The following BICC1 variants were observed in gnomAD, a reference collection of about 807,000 sequenced individuals.
The protein encoded by BICC1 is protein bicaudal C homolog 1.
Under a neutral mutation model 111.0 loss-of-function variants are expected in BICC1, and 43 were observed. That is an observed-to-expected ratio of 0.39 (90% CI 0.30 to 0.50). The LOEUF (loss-of-function observed/expected upper bound fraction) is 0.50, where lower values mean the gene tolerates loss of function less well. Ranked by LOEUF, BICC1 falls within the 20% of genes least tolerant of loss-of-function variation. BICC1 has a pLI of 0.88. For synonymous variants in BICC1, 467 were observed against 434.4 expected (o/e 1.07, Z -0.93); for missense variants, 1,091 against 1,203.2 (o/e 0.91, Z 1.38).
At chr10:58,753,151 G>A (rs934986039) in intron 3 of BICC1, among the ~76,000 whole-genome samples, 1 of 152,032 alleles carries the variant, frequency 6.6e-6, no homozygotes, top group South Asian at 2.1e-4. Flanking sequence ...TTGATTTTAC[G>A]TTGTTGTTGT....
intron 2 of BICC1, among the ~76,000 whole-genome samples, chr10:58,647,562 TC>T (rs997335414): frequency 1.3e-5 from 2 of 152,130 alleles, no homozygotes; most frequent in African/African-American, 2.4e-5. Context: ...GTGATTTTTT[TC>T]CCCAAGGTGA....
chr10:58,730,837 G>A (rs1365322720), intron 3 of BICC1, among the ~76,000 whole-genome samples: 1 of 152,052 alleles, frequency 6.6e-6, no homozygotes, highest in Non-Finnish European at 1.5e-5. Flanking sequence ...AAGGCTGTGC[G>A]GGGTTGCAGG....
At chr10:58,776,375 AATAC>A (rs1842749431) in intron 3 of BICC1, among the ~76,000 whole-genome samples, 1 of 152,218 alleles carries the variant, frequency 6.6e-6, no homozygotes, top group African/African-American at 2.4e-5. Flanking sequence ...GACTGCAGGC[AATAC>A]CTCTGGGACC....
At chr10:58,779,830 T>C (rs1418819604) in intron 3 of BICC1, among the ~76,000 whole-genome samples, 1 of 152,218 alleles carries the variant, frequency 6.6e-6, no homozygotes, top group Non-Finnish European at 1.5e-5. Context: ...CTTTTCCCTA[T>C]ATGATTCCAA....
At chr10:58,579,077 A>G (rs1844192243) in intron 1 of BICC1, among the ~76,000 whole-genome samples, 1 of 152,164 alleles carries the variant, frequency 6.6e-6, no homozygotes, top group African/African-American at 2.4e-5. Flanking sequence ...TTGATGAGGA[A>G]TCTAAAGGCC....
chr10:58,649,197 T>C lies in BICC1; in HGVS notation c.237+28296T>C, dbSNP rs569928410. Among the ~76,000 whole-genome samples the C allele has an allele frequency of 3.5e-4, 54 of 152,330 alleles. 1 individual carries two copies. The highest frequency in any genetic ancestry group is 6.2e-4 in the Non-Finnish European group (42 of 68,032). On this transcript the variant is annotated intron_variant, in intron 2 of 20. Coordinates refer to ENST00000373886, the MANE Select transcript of BICC1 (RefSeq NM_001080512.3). Reference sequence around the variant, plus strand: ...TTCCAAGGAAATCTCTCTTAAATATTGGGCATGTCTACAAGAGGAGGAGGC... The same window carrying C: ...TTCCAAGGAAATCTCTCTTAAATATCGGGCATGTCTACAAGAGGAGGAGGC...
intron 3 of BICC1, among the ~76,000 whole-genome samples, chr10:58,737,199 T>A (rs1841497438): frequency 6.6e-6 from 1 of 152,128 alleles, no homozygotes; most frequent in Admixed American, 6.6e-5. Context: ...CTGCACCCAT[T>A]AACTCGTCAT....
chr10:58,778,953 G>A lies in BICC1; in HGVS notation c.308-6048G>A, dbSNP rs192758326. ...ATGTAAAGTGCACAGGCTTCTAGTC[G>A]TCCTGTTTGCTCTTTCAAAATCATT... is the stretch of plus-strand genomic sequence containing the variant. On this transcript the variant is annotated intron_variant, in intron 3 of 20. Transcript: ENST00000373886. Among the ~76,000 whole-genome samples, 575 of 152,166 alleles carry A rather than the reference G, an allele frequency of 3.8e-3. 4 individuals are homozygous for A. The highest frequency in any genetic ancestry group is 0.013 in the African/African-American group (540 of 41,512).
At chr10:58,589,882 T>G (rs2132036391) in intron 1 of BICC1, among the ~76,000 whole-genome samples, 1 of 152,236 alleles carries the variant, frequency 6.6e-6, no homozygotes, top group East Asian at 1.9e-4. Flanking sequence ...CATAGTGCAC[T>G]GCAGCCTTGA....
At chr10:58,538,948 G>A (rs1215539196) in intron 1 of BICC1, among the ~76,000 whole-genome samples, 2 of 151,718 alleles carry the variant, frequency 1.3e-5, no homozygotes, top group Non-Finnish European at 3.0e-5. Flanking sequence ...GCATGGACAG[G>A]GTGAAAAAGG....
At chr10:58,816,830 C>T (rs772862722) in intron 18 of BICC1, among the ~76,000 whole-genome samples, 15 of 151,052 alleles carry the variant, frequency 9.9e-5, no homozygotes, top group Non-Finnish European at 2.1e-4. Flanking sequence ...CCGTCACCAG[C>T]GCTTGCTTGT....
intron 1 of BICC1, among the ~76,000 whole-genome samples, chr10:58,612,581 A>T (rs550724865): frequency 1.4e-5 from 2 of 139,016 alleles, no homozygotes; most frequent in East Asian, 4.1e-4. Flanking sequence ...TCTTAGTTGC[A>T]AATGTGTTGA....
chr10:58,762,039 T>A (rs2132685764), intron 3 of BICC1, among the ~76,000 whole-genome samples: 1 of 152,232 alleles, frequency 6.6e-6, no homozygotes, highest in East Asian at 1.9e-4. Flanking sequence ...CACATGTTTT[T>A]AACTTTGCAC....
intron 3 of BICC1, among the ~76,000 whole-genome samples, chr10:58,709,447 A>G (rs903303304): frequency 1.3e-5 from 2 of 152,240 alleles, no homozygotes; most frequent in Non-Finnish European, 2.9e-5. Context: ...TGGATGACAA[A>G]GGTTGTAGAA....
At chr10:58,625,485 GTA>G (rs1845961577) in intron 2 of BICC1, among the ~76,000 whole-genome samples, 1 of 152,014 alleles carries the variant, frequency 6.6e-6, no homozygotes, top group Non-Finnish European at 1.5e-5. Context: ...ATTGGGTTAT[GTA>G]CAGTATTTTT....
intron 2 of BICC1, among the ~76,000 whole-genome samples, chr10:58,652,484 A>T (rs111315799): frequency 0.011 from 1,616 of 152,236 alleles, 31 homozygotes; most frequent in African/African-American, 0.037. Flanking sequence ...TGCATGTGTG[A>T]TTACAGTAGT....
At chr10:58,770,975 T>C (rs1842609164) in intron 3 of BICC1, among the ~76,000 whole-genome samples, 1 of 152,228 alleles carries the variant, frequency 6.6e-6, no homozygotes, top group African/African-American at 2.4e-5. Context: ...TTATGGAGTA[T>C]TTACTGTGTC....
At chr10:58,705,640 A>G (rs1801653671) in intron 3 of BICC1, among the ~76,000 whole-genome samples, 1 of 152,244 alleles carries the variant, frequency 6.6e-6, no homozygotes, top group Non-Finnish European at 1.5e-5. Context: ...TCATGTGCAC[A>G]GGGCATTTTA....
intron 2 of BICC1, among the ~76,000 whole-genome samples, chr10:58,629,045 A>G (rs574958073): frequency 6.6e-6 from 1 of 152,302 alleles, no homozygotes; most frequent in South Asian, 2.1e-4. Context: ...TGGTTTGGAC[A>G]TTGAATTGAT....
Sources: allele counts gnomAD v4.1 joint callset (sites outside exome capture counted in the v4.1 genomes callset), GRCh38; gene constraint gnomAD v4.1.1; transcripts MANE v1.5; gene names NCBI Gene and HGNC (gene_info 2026-07-23, HGNC 2026-07-21).